Variants in SUGCT observed in about 807,000 individuals in gnomAD.
SUGCT encodes the protein succinyl-CoA:glutarate CoA-transferase.
SUGCT carries 41 observed loss-of-function variants against 55.0 expected under a neutral mutation model. The observed-to-expected ratio is 0.74, with a 90% CI of 0.58 to 0.97. SUGCT has a LOEUF of 0.97. SUGCT is among the 50% of genes least tolerant of loss of function. The pLI is 0.00. For synonymous variants in SUGCT, 187 were observed against 200.4 expected, an observed-to-expected ratio of 0.93 and a Z score of 0.56; for missense variants, 568 against 547.8, an observed-to-expected ratio of 1.04 and a Z score of -0.37.
rs1794354583 is a variant in SUGCT, at chr7:40,859,210, G to A, written c.1154-1106G>A. On this transcript the variant is annotated intron_variant, in intron 13 of 13. Coordinates refer to ENST00000335693, the MANE Select transcript of SUGCT (RefSeq NM_001193313.2). ...CCAACATAAATACCACTTACTGAATGTGATAACAAAGGTAAAATTAGTTGA... is the reference window on the plus strand; with the variant it reads ...CCAACATAAATACCACTTACTGAATATGATAACAAAGGTAAAATTAGTTGA... 1.3e-5 allele frequency among the ~76,000 whole-genome samples: 2 copies of A among 152,214 alleles called. 1 individual carries two copies. The highest frequency in any genetic ancestry group is 4.2e-4 in the South Asian group (2 of 4,818).
chr7:40,164,349 C>T (rs1784323492), intron 1 of SUGCT, among the ~76,000 whole-genome samples: 1 of 152,224 alleles, frequency 6.6e-6, no homozygotes, highest in East Asian at 1.9e-4. Context: ...AAGCTGGTCT[C>T]AAACTGCTGA....
chr7:40,822,696 G>A (rs1422069597), intron 13 of SUGCT, among the ~76,000 whole-genome samples: 1 of 152,130 alleles, frequency 6.6e-6, no homozygotes, highest in African/African-American at 2.4e-5. Flanking sequence ...ACCTTGTAGA[G>A]CACTGTTTTT....
intron 7 of SUGCT, among the ~76,000 whole-genome samples, chr7:40,266,701 G>A (rs951750679): frequency 1.3e-5 from 2 of 151,996 alleles, no homozygotes; most frequent in African/African-American, 4.8e-5. Context: ...GAATGAATGG[G>A]GGATGACAGA....
the SUGCT span, among the ~76,000 whole-genome samples, chr7:41,026,343 C>A: frequency 6.6e-6 from 1 of 152,136 alleles, no homozygotes; most frequent in African/African-American, 2.4e-5. Context: ...TCCATTCATA[C>A]AACTTGCTTG....
intron 9 of SUGCT, among the ~76,000 whole-genome samples, chr7:40,336,584 C>G (rs546842232): frequency 6.6e-6 from 1 of 152,116 alleles, no homozygotes; most frequent in African/African-American, 2.4e-5. Flanking sequence ...TCTGTGGGAT[C>G]GGTCATGATA....
chr7:40,896,091 A>G, the SUGCT span, among the ~76,000 whole-genome samples: 3 of 152,216 alleles, frequency 2.0e-5, no homozygotes, highest in South Asian at 6.2e-4. Flanking sequence ...ATACAGAAAA[A>G]TTCTAAAGAT....
chr7:40,889,723 G>C, the SUGCT span, among the ~76,000 whole-genome samples: 1 of 152,138 alleles, frequency 6.6e-6, no homozygotes, highest in African/African-American at 2.4e-5. Flanking sequence ...AGGTCAAGTA[G>C]TTTATTACCT....
chr7:40,227,820 T>G (rs1390797565), intron 6 of SUGCT, among the ~76,000 whole-genome samples: 1 of 151,604 alleles, frequency 6.6e-6, no homozygotes, highest in Admixed American at 6.6e-5. Context: ...TTATCACACA[T>G]AAGTAAAAAT....
chr7:40,805,974 G>A (rs1023369366), intron 13 of SUGCT, among the ~76,000 whole-genome samples: 3 of 152,170 alleles, frequency 2.0e-5, no homozygotes, highest in Non-Finnish European at 4.4e-5. Flanking sequence ...GAAATAGTGC[G>A]TGCATCTTAG....
At chr7:40,686,535 G>C (rs1298506996) in intron 12 of SUGCT, among the ~76,000 whole-genome samples, 1 of 152,186 alleles carries the variant, frequency 6.6e-6, no homozygotes, top group Admixed American at 6.5e-5. Context: ...AGCTGACTGG[G>C]AGCTTTGTAT....
chr7:40,606,396 T>C (rs774002540), intron 12 of SUGCT, among the ~76,000 whole-genome samples: 2 of 152,092 alleles, frequency 1.3e-5, no homozygotes, highest in Non-Finnish European at 2.9e-5. Context: ...GGATACCCAC[T>C]ACACAGATGG....
intron 13 of SUGCT, among the ~76,000 whole-genome samples, chr7:40,810,594 C>A (rs1035952127): frequency 1.3e-5 from 2 of 152,014 alleles, no homozygotes; most frequent in Admixed American, 1.3e-4. Flanking sequence ...GTCTTTTGCC[C>A]ATTTTTTAAT....
At chr7:40,840,065 C>G (rs1175780895) in intron 13 of SUGCT, among the ~76,000 whole-genome samples, 1 of 152,122 alleles carries the variant, frequency 6.6e-6, no homozygotes, top group Non-Finnish European at 1.5e-5. Flanking sequence ...AGGTATTTAT[C>G]AAAGTGTGAA....
intron 12 of SUGCT, among the ~76,000 whole-genome samples, chr7:40,568,947 C>T (rs1440220737): frequency 1.3e-5 from 2 of 152,094 alleles, no homozygotes; most frequent in Non-Finnish European, 2.9e-5. Context: ...GTTCATTGTC[C>T]TTTTTGAGCT....
Position 40,151,938 on chromosome 7 carries a change from C to G in SUGCT, c.100+16818C>G, listed in dbSNP as rs184523578. 5.5e-4 allele frequency among the ~76,000 whole-genome samples: 84 copies of G among 151,956 alleles called. 1 individual carries two copies. Among genetic ancestry groups the G allele is most frequent in the African/African-American group, 1.9e-3 (80 of 41,448 alleles). On this transcript the variant is annotated intron_variant, in intron 1 of 13. Coordinates refer to ENST00000335693, the MANE Select transcript of SUGCT (RefSeq NM_001193313.2). ...TTGGATGGGTCAGAGATGAAGTCAC[C>G]GGGGGTCAAAGTGGGTTTTTCTAGC...
intron 9 of SUGCT, among the ~76,000 whole-genome samples, chr7:40,381,394 C>T (rs980748060): frequency 2.0e-5 from 3 of 151,896 alleles, no homozygotes. Flanking sequence ...TCTCACAGTA[C>T]GTTGTTCTTT....
chr7:40,141,362 C>G (rs910815103), intron 1 of SUGCT, among the ~76,000 whole-genome samples: 3 of 151,814 alleles, frequency 2.0e-5, no homozygotes, highest in Admixed American at 6.6e-5. Flanking sequence ...GGGCCAGGCG[C>G]GGTGGCTCAT....
chr7:40,918,262 A>G, the SUGCT span, among the ~76,000 whole-genome samples: 1 of 152,036 alleles, frequency 6.6e-6, no homozygotes, highest in Non-Finnish European at 1.5e-5. Context: ...GGAGTTTGAG[A>G]CCAGCCTGAC....
chr7:40,451,194 C>A (rs1458072051), intron 10 of SUGCT, among the ~76,000 whole-genome samples: 2 of 152,056 alleles, frequency 1.3e-5, no homozygotes, highest in Non-Finnish European at 2.9e-5. Flanking sequence ...AGATTTTCTT[C>A]CTGGGCCATA....
Sources: allele counts gnomAD v4.1 joint callset (sites outside exome capture counted in the v4.1 genomes callset), GRCh38; gene constraint gnomAD v4.1.1; transcripts MANE v1.5; gene names NCBI Gene and HGNC (gene_info 2026-07-23, HGNC 2026-07-21).